Variants in CNTN5 observed in about 807,000 individuals in gnomAD.
The protein encoded by CNTN5 is contactin-5.
A neutral mutation model predicts 129.1 loss-of-function variants in CNTN5; 77 were observed. That is an observed-to-expected ratio of 0.60 (90% CI 0.50 to 0.72). CNTN5 has a LOEUF of 0.72. Among genes scored for constraint, CNTN5 ranks in the 30% least tolerant of loss-of-function variants. The probability of loss-of-function intolerance (pLI) is 0.00; values close to 1 mark genes in which losing one functional copy is unlikely to be tolerated. For missense variants in CNTN5, 1,478 were observed against 1,328.8 expected, an observed-to-expected ratio of 1.11 and a Z score of -1.75; for synonymous variants, 509 against 465.6, an observed-to-expected ratio of 1.09 and a Z score of -1.20.
chr11:99,035,268 T>C (rs961847489), intron 1 of CNTN5, among the ~76,000 whole-genome samples: 339 of 149,650 alleles, frequency 2.3e-3, no homozygotes, highest in Non-Finnish European at 3.6e-3. Context: ...TGGAGAGTTC[T>C]GTAGATGTCT....
chr11:99,995,741 T>C (rs1311014338), intron 8 of CNTN5, among the ~76,000 whole-genome samples: 3 of 152,180 alleles, frequency 2.0e-5, no homozygotes, highest in South Asian at 2.1e-4. Flanking sequence ...ATGGCTGTTT[T>C]CTATGTGGTA....
intron 3 of CNTN5, among the ~76,000 whole-genome samples, chr11:99,772,102 C>G (rs1246513207): frequency 6.6e-6 from 1 of 150,606 alleles, no homozygotes; most frequent in Non-Finnish European, 1.5e-5. Context: ...ATGGAGTGCT[C>G]TTTCTGAAGA....
chr11:100,170,020 A>G (rs987167993), intron 13 of CNTN5, among the ~76,000 whole-genome samples: 2 of 151,920 alleles, frequency 1.3e-5, no homozygotes, highest in Admixed American at 6.6e-5. Flanking sequence ...GTATGAAAAT[A>G]CTTCCCCCAA....
intron 6 of CNTN5, among the ~76,000 whole-genome samples, chr11:99,854,042 A>G (rs1170288832): frequency 6.6e-6 from 1 of 152,122 alleles, no homozygotes; most frequent in Non-Finnish European, 1.5e-5. Context: ...GAATTTACTC[A>G]TTATCTGATC....
intron 6 of CNTN5, among the ~76,000 whole-genome samples, chr11:99,879,000 T>G (rs1948705441): frequency 6.6e-6 from 1 of 152,164 alleles, no homozygotes; most frequent in Non-Finnish European, 1.5e-5. Flanking sequence ...TGGTACGATC[T>G]GATCTCTGCT....
intron 3 of CNTN5, among the ~76,000 whole-genome samples, chr11:99,609,894 A>C (rs1280855723): frequency 6.6e-6 from 1 of 152,116 alleles, no homozygotes; most frequent in Non-Finnish European, 1.5e-5. Flanking sequence ...GGTTGTTAGA[A>C]AGACAGAGGT....
At chr11:99,741,166 T>C (rs953309691) in intron 3 of CNTN5, among the ~76,000 whole-genome samples, 1 of 152,186 alleles carries the variant, frequency 6.6e-6, no homozygotes, top group Non-Finnish European at 1.5e-5. Flanking sequence ...AGAATAATAA[T>C]ATCATATAAC....
At chr11:100,077,471 G>A (rs1330044860) in intron 13 of CNTN5, among the ~76,000 whole-genome samples, 1 of 151,914 alleles carries the variant, frequency 6.6e-6, no homozygotes, top group Non-Finnish European at 1.5e-5. Context: ...TTCTGTATAA[G>A]AAATAAATAA....
intron 13 of CNTN5, among the ~76,000 whole-genome samples, chr11:100,102,810 C>G (rs1479982595): frequency 6.6e-6 from 1 of 152,052 alleles, no homozygotes; most frequent in African/African-American, 2.4e-5. Context: ...TGACTTTTCT[C>G]CCTTCTGTAT....
intron 20 of CNTN5, among the ~76,000 whole-genome samples, chr11:100,301,238 T>C (rs180923757): frequency 6.3e-4 from 96 of 151,760 alleles, no homozygotes; most frequent in Non-Finnish European, 3.1e-4. Context: ...GAGAGATTAA[T>C]TGGAGAAGTT....
At chr11:99,960,065 G>T (rs1422108236) in intron 8 of CNTN5, among the ~76,000 whole-genome samples, 1 of 151,906 alleles carries the variant, frequency 6.6e-6, no homozygotes, top group Admixed American at 6.5e-5. Flanking sequence ...TCCCTTTTTT[G>T]TTGTTGTTGT....
At chr11:99,559,956 A>G (rs970994064) in intron 3 of CNTN5, among the ~76,000 whole-genome samples, 1 of 152,216 alleles carries the variant, frequency 6.6e-6, no homozygotes, top group Non-Finnish European at 1.5e-5. Flanking sequence ...TAGTTTGAAC[A>G]GACTACATGC....
chr11:100,064,036 T>C (rs570762841), intron 10 of CNTN5, among the ~76,000 whole-genome samples: 1 of 152,294 alleles, frequency 6.6e-6, no homozygotes, highest in South Asian at 2.1e-4. Context: ...TGACTGGCAG[T>C]AGATATGGAT....
intron 1 of CNTN5, among the ~76,000 whole-genome samples, chr11:99,265,287 C>T (rs1389640395): frequency 6.6e-6 from 1 of 152,082 alleles, no homozygotes; most frequent in African/African-American, 2.4e-5. Flanking sequence ...TGTGCAAATA[C>T]TTTTACTGAA....
intron 1 of CNTN5, among the ~76,000 whole-genome samples, chr11:99,049,035 A>G (rs1167213030): frequency 2.0e-5 from 3 of 152,138 alleles, no homozygotes; most frequent in African/African-American, 7.2e-5. Context: ...TTCCTGGGAG[A>G]GAATTGGGAA....
At chr11:99,730,904 T>G (rs897133057) in intron 3 of CNTN5, among the ~76,000 whole-genome samples, 3 of 152,216 alleles carry the variant, frequency 2.0e-5, no homozygotes, top group African/African-American at 7.2e-5. Flanking sequence ...TCTACCTAAG[T>G]GTATGCATGT....
At chr11:99,194,191 C>T (rs1858788733) in intron 1 of CNTN5, among the ~76,000 whole-genome samples, 1 of 151,712 alleles carries the variant, frequency 6.6e-6, no homozygotes, top group Admixed American at 6.6e-5. Context: ...TAAATTTTTT[C>T]AGAATATAAA....
chr11:99,029,428 T>C (rs12275160), intron 1 of CNTN5, among the ~76,000 whole-genome samples: 12 of 152,094 alleles, frequency 7.9e-5, no homozygotes, highest in South Asian at 4.1e-4. Flanking sequence ...ACCACTGACA[T>C]TGAAAAGATG....
chr11:100,073,044 T>C (rs1182274599), intron 12 of CNTN5, among the ~76,000 whole-genome samples: 1 of 147,496 alleles, frequency 6.8e-6, no homozygotes, highest in African/African-American at 2.5e-5. Flanking sequence ...TAAATTTCTT[T>C]AGCTTTTTAA....
Sources: gnomAD v4.1 joint callset for allele counts (sites outside exome capture counted in the v4.1 genomes callset) on GRCh38, gnomAD v4.1.1 for gene constraint, MANE v1.5 for transcripts, NCBI Gene and HGNC (gene_info 2026-07-23, HGNC 2026-07-21) for gene names.